Variants in PIP5K1B observed in about 807,000 individuals in gnomAD.
PIP5K1B encodes the protein phosphatidylinositol-4-phosphate 5-kinase type 1 beta, also known as phosphatidylinositol 4-phosphate 5-kinase type-1 beta.
PIP5K1B carries 42 observed loss-of-function variants against 67.0 expected under a neutral mutation model. The ratio of observed to expected loss-of-function variants is 0.63; its 90% CI spans 0.49 to 0.81. The LOEUF (loss-of-function observed/expected upper bound fraction) is 0.81. PIP5K1B is among the 30% of genes least tolerant of loss of function. PIP5K1B has a pLI of 0.00. For missense variants in PIP5K1B, 459 were observed against 646.3 expected (o/e 0.71, Z 3.14); for synonymous variants, 214 against 231.4 (o/e 0.92, Z 0.68).
At chr9:68,968,715 A>ATATATATTT (rs779031015) in intron 14 of PIP5K1B, among the ~76,000 whole-genome samples, 1 of 142,212 alleles carries the variant, frequency 7.0e-6, no homozygotes, top group Middle Eastern at 3.3e-3. Flanking sequence ...ATATATATAT[A>ATATATATTT]TTTTTTTTTT....
chr9:68,992,837 C>T (rs1235729703), intron 15 of PIP5K1B, among the ~76,000 whole-genome samples: 1 of 46,916 alleles, frequency 2.1e-5, no homozygotes, highest in Non-Finnish European at 3.5e-5. Flanking sequence ...ATGACCCTGT[C>T]TCAAAAAAAA....
chr9:68,879,922 A>C (rs543674331), intron 6 of PIP5K1B, among the ~76,000 whole-genome samples: 1 of 152,254 alleles, frequency 6.6e-6, no homozygotes, highest in African/African-American at 2.4e-5. Flanking sequence ...CAATGTATAC[A>C]TGTATCAAAA....
chr9:68,711,656 T>C (rs1388745617), intron 1 of PIP5K1B, among the ~76,000 whole-genome samples: 3 of 152,242 alleles, frequency 2.0e-5, no homozygotes, highest in Non-Finnish European at 4.4e-5. Flanking sequence ...CTAATGTTGA[T>C]AGTTTATAGT....
chr9:68,806,814 G>C (rs1832894340), intron 2 of PIP5K1B, among the ~76,000 whole-genome samples: 1 of 152,148 alleles, frequency 6.6e-6, no homozygotes, highest in Non-Finnish European at 1.5e-5. Context: ...TAGGGAAATT[G>C]TTGGTTTGTT....
intron 8 of PIP5K1B, among the ~76,000 whole-genome samples, chr9:68,904,781 G>C (rs1441558798): frequency 6.6e-6 from 1 of 150,392 alleles, no homozygotes; most frequent in Admixed American, 6.7e-5. Flanking sequence ...AACTCTCACT[G>C]CAAACCAAAG....
chr9:68,716,267 T>C (rs961232135), intron 1 of PIP5K1B, among the ~76,000 whole-genome samples: 12 of 152,230 alleles, frequency 7.9e-5, no homozygotes, highest in Non-Finnish European at 1.5e-4. Flanking sequence ...TATGGAGAAC[T>C]ATATGGCTTC....
intron 4 of PIP5K1B, among the ~76,000 whole-genome samples, chr9:68,838,947 A>C (rs899281202): frequency 6.6e-6 from 1 of 152,206 alleles, no homozygotes; most frequent in Non-Finnish European, 1.5e-5. Flanking sequence ...AGTTTAGATG[A>C]ATGGGATCAT....
At chr9:68,882,121 AC>A (rs1824228404) in intron 6 of PIP5K1B, among the ~76,000 whole-genome samples, 1 of 152,220 alleles carries the variant, frequency 6.6e-6, no homozygotes, top group Non-Finnish European at 1.5e-5. Flanking sequence ...ATACATTAGA[AC>A]AGCTTGCACA....
At chr9:69,000,503 G>C (rs1263303929) in intron 15 of PIP5K1B, among the ~76,000 whole-genome samples, 1 of 152,178 alleles carries the variant, frequency 6.6e-6, no homozygotes, top group African/African-American at 2.4e-5. Context: ...AGAAGTTCAA[G>C]ATCAAGGTGT....
intron 4 of PIP5K1B, among the ~76,000 whole-genome samples, chr9:68,825,195 T>G (rs915579476): frequency 2.6e-5 from 4 of 152,232 alleles, no homozygotes; most frequent in Non-Finnish European, 5.9e-5. Flanking sequence ...AAATTACTCA[T>G]AAAGAGTATG....
intron 14 of PIP5K1B, among the ~76,000 whole-genome samples, chr9:68,946,588 G>T (rs1330558018): frequency 6.6e-6 from 1 of 151,816 alleles, no homozygotes; most frequent in East Asian, 1.9e-4. Flanking sequence ...GGGGTTTGGG[G>T]TTTCAACGTG....
intron 14 of PIP5K1B, among the ~76,000 whole-genome samples, chr9:68,965,846 TA>T (rs1299539945): frequency 2.6e-5 from 4 of 151,706 alleles, no homozygotes; most frequent in African/African-American, 9.7e-5. Context: ...ACCTGGCACA[TA>T]CCTGTAATAC....
intron 15 of PIP5K1B, among the ~76,000 whole-genome samples, chr9:68,991,960 C>T (rs941829848): frequency 7.4e-5 from 11 of 148,960 alleles, no homozygotes; most frequent in African/African-American, 7.5e-5. Flanking sequence ...TATGCCTGCA[C>T]AAAAAAAAAT....
At chr9:68,812,039 T>C (rs1414591836) in intron 2 of PIP5K1B, among the ~76,000 whole-genome samples, 1 of 152,196 alleles carries the variant, frequency 6.6e-6, no homozygotes, top group East Asian at 1.9e-4. Flanking sequence ...AAAGCCAGGC[T>C]GAGATGGAGG....
chr9:68,792,490 T>G (rs1051005225), intron 2 of PIP5K1B, among the ~76,000 whole-genome samples: 1 of 152,070 alleles, frequency 6.6e-6, no homozygotes, highest in African/African-American at 2.4e-5. Context: ...GTTTGTTTGT[T>G]TGTTTTTGAG....
chr9:68,733,887 T>A (rs1828589784), intron 1 of PIP5K1B, among the ~76,000 whole-genome samples: 1 of 152,060 alleles, frequency 6.6e-6, no homozygotes, highest in Non-Finnish European at 1.5e-5. Context: ...ATCCACCCGC[T>A]TCGGCCTCCC....
intron 8 of PIP5K1B, among the ~76,000 whole-genome samples, chr9:68,896,921 G>A (rs1247259399): frequency 4.6e-5 from 7 of 152,192 alleles, no homozygotes; most frequent in Non-Finnish European, 8.8e-5. Flanking sequence ...CTTGGAGCCC[G>A]TTGTTCCTTC....
intron 12 of PIP5K1B, among the ~76,000 whole-genome samples, chr9:68,932,889 T>C (rs1427104100): frequency 6.6e-6 from 1 of 151,894 alleles, no homozygotes; most frequent in East Asian, 1.9e-4. Context: ...TCACCTGAGG[T>C]CAGGAGTTCG....
intron 8 of PIP5K1B, among the ~76,000 whole-genome samples, chr9:68,909,504 A>G (rs1442062461): frequency 1.3e-5 from 2 of 152,128 alleles, no homozygotes; most frequent in Non-Finnish European, 2.9e-5. Context: ...TAATTGTTTC[A>G]GAAACAACTT....
Sources: gnomAD v4.1 joint callset for allele counts (sites outside exome capture counted in the v4.1 genomes callset) on GRCh38, gnomAD v4.1.1 for gene constraint, MANE v1.5 for transcripts, NCBI Gene and HGNC (gene_info 2026-07-23, HGNC 2026-07-21) for gene names.